Variants in TMCO5A observed in about 807,000 individuals in gnomAD.
TMCO5A encodes transmembrane and coiled-coil domains 5A, also known as transmembrane and coiled-coil domain-containing protein 5A.
TMCO5A carries 34 observed loss-of-function variants against 42.3 expected under a neutral mutation model. The observed-to-expected ratio is 0.80, with a 90% CI of 0.61 to 1.07. TMCO5A has a LOEUF of 1.07. Ranked by LOEUF, TMCO5A falls within the 50% of genes least tolerant of loss-of-function variation. The pLI is 0.00. For synonymous variants in TMCO5A, 131 were observed against 115.6 expected (o/e 1.13, Z -0.86); for missense variants, 357 against 327.9 (o/e 1.09, Z -0.69).
the TMCO5A span, among the ~76,000 whole-genome samples, chr15:37,984,125 C>T: frequency 6.6e-6 from 1 of 152,142 alleles, no homozygotes; most frequent in Non-Finnish European, 1.5e-5. Context: ...TATTCCTCTC[C>T]ATGCTTCTGT....
At chr15:37,936,819 C>T (rs558575773) in intron 3 of TMCO5A, 28 bp from the exon 4 acceptor site, 5 of 1,609,434 alleles carry the variant, frequency 3.1e-6, no homozygotes, top group Non-Finnish European at 4.2e-6. Context: ...AAGCATGGGT[C>T]CTCATGGCAT....
chr15:38,007,005 C>T, the TMCO5A span, among the ~76,000 whole-genome samples: 1 of 151,964 alleles, frequency 6.6e-6, no homozygotes, highest in Non-Finnish European at 1.5e-5. Context: ...CCCACTAAAA[C>T]TTTATTCAGC....
At position 37,940,173 on chromosome 15, in the gene TMCO5A, A is replaced by G. The variant is rs145245702; in HGVS notation, c.388-976A>G. ...AGAAAAGGCTATTCTCTAAAAACACAAATCAGATTGTGTCTTTAGACTTCA... is the reference window on the plus strand; with the variant it reads ...AGAAAAGGCTATTCTCTAAAAACACGAATCAGATTGTGTCTTTAGACTTCA... On this transcript the variant is annotated intron_variant, in intron 6 of 11. Coordinates refer to ENST00000319669, the MANE Select transcript of TMCO5A (RefSeq NM_152453.4). Among the ~76,000 whole-genome samples, 259 of 152,246 alleles carry G rather than the reference A, an allele frequency of 1.7e-3. 5 individuals are homozygous for G. Among genetic ancestry groups the G allele is most frequent in the African/African-American group, 5.8e-3 (243 of 41,572 alleles).
chr15:37,947,543 G>C (rs940935315), intron 10 of TMCO5A, 113 bp from the exon 11 acceptor site: 1 of 721,098 alleles, frequency 1.4e-6, no homozygotes, highest in Non-Finnish European at 2.4e-6. Flanking sequence ...CATATAAAAA[G>C]AATTTGTTAA....
chr15:38,004,345 C>T, the TMCO5A span, among the ~76,000 whole-genome samples: 1 of 152,034 alleles, frequency 6.6e-6, no homozygotes, highest in African/African-American at 2.4e-5. Context: ...AAGTTTCTCC[C>T]TGTGCTGCCT....
chr15:37,994,299 C>A, the TMCO5A span, among the ~76,000 whole-genome samples: 3 of 151,972 alleles, frequency 2.0e-5, no homozygotes, highest in Non-Finnish European at 2.9e-5. Flanking sequence ...ATAAAAAGGA[C>A]AATGCAAGAT....
the TMCO5A span, among the ~76,000 whole-genome samples, chr15:38,029,739 C>A: frequency 7.9e-5 from 12 of 152,180 alleles, no homozygotes; most frequent in African/African-American, 2.9e-4. Flanking sequence ...TGTGCGCCAC[C>A]ATGCCCAGCC....
downstream of TMCO5A, among the ~76,000 whole-genome samples, chr15:37,954,216 A>G (rs554688524): frequency 1.2e-4 from 19 of 152,228 alleles, no homozygotes; most frequent in South Asian, 3.5e-3. Context: ...TAGAACACCT[A>G]CAGATTTAAC....
At chr15:38,037,305 T>C in the TMCO5A span, among the ~76,000 whole-genome samples, 1 of 152,220 alleles carries the variant, frequency 6.6e-6, no homozygotes, top group Non-Finnish European at 1.5e-5. Flanking sequence ...AATGTATGCA[T>C]TACACTTACT....
chr15:37,944,745 T>C (rs938448387), intron 10 of TMCO5A, among the ~76,000 whole-genome samples: 32 of 152,058 alleles, frequency 2.1e-4, no homozygotes, highest in Admixed American at 6.6e-4. Context: ...GGCTCTAAAA[T>C]GTGATCATAA....
intron 11 of TMCO5A, among the ~76,000 whole-genome samples, chr15:37,962,099 G>A (rs1348411700): frequency 6.6e-6 from 1 of 151,970 alleles, no homozygotes; most frequent in African/African-American, 2.4e-5. Flanking sequence ...GTGAGAGTGG[G>A]CATCCTTCTC....
intron 11 of TMCO5A, among the ~76,000 whole-genome samples, chr15:37,956,989 C>A (rs12440194): frequency 0.062 from 9,437 of 152,180 alleles, 392 homozygotes; most frequent in Admixed American, 0.14. Flanking sequence ...ATGACAAAAA[C>A]CATATGATTA....
At chr15:37,984,681 C>CTTTTT in the TMCO5A span, 21 of 41,872 alleles carry the variant, frequency 5.0e-4, 1 homozygote, top group African/African-American at 1.3e-3. Flanking sequence ...GAACATTTGT[C>CTTTTT]TTTTTTTTTT....
At chr15:37,966,245 G>A (rs988271242) in intron 11 of TMCO5A, among the ~76,000 whole-genome samples, 1 of 151,150 alleles carries the variant, frequency 6.6e-6, no homozygotes, top group African/African-American at 2.4e-5. Flanking sequence ...GGTTACCAGA[G>A]GTTGTGAAGG....
chr15:38,013,971 C>G, the TMCO5A span, among the ~76,000 whole-genome samples: 1 of 152,166 alleles, frequency 6.6e-6, no homozygotes, highest in Non-Finnish European at 1.5e-5. Context: ...CTCCTTCTTT[C>G]ATCTCCAAAG....
chr15:37,951,319 G>T lies in TMCO5A; in HGVS notation c.*85G>T. The T allele has an allele frequency of 2.2e-6, 3 of 1,375,870 alleles. No homozygotes were observed. The highest frequency in any genetic ancestry group is 2.5e-5 in the South Asian group (2 of 78,528). 85.2% of individuals were successfully genotyped at this position (1,375,870 alleles called of 1,614,324 possible). A position where few individuals can be genotyped will look rare whatever the true frequency, so the allele number is the denominator to read the frequency against. On this transcript the variant is annotated 3_prime_UTR_variant, in exon 12 of 12. Transcript: ENST00000319669. ...AGGCATGAAACTTGTGGAGGAAAGA[G>T]ATTTGCTTCAGTTTTTTCCTCACCG... is the stretch of plus-strand genomic sequence containing the variant.
chr15:37,977,061 C>T, the TMCO5A span, among the ~76,000 whole-genome samples: 2 of 152,140 alleles, frequency 1.3e-5, no homozygotes, highest in Non-Finnish European at 2.9e-5. Context: ...CATGAGCCAC[C>T]GCATCCAGCC....
the TMCO5A span, among the ~76,000 whole-genome samples, chr15:37,994,971 T>C: frequency 5.3e-5 from 8 of 152,294 alleles, no homozygotes; most frequent in Admixed American, 4.6e-4. Flanking sequence ...TTGTTTTAAG[T>C]GCCAGTAAAA....
rs188277220 is a variant in TMCO5A at position 37,949,330 on chromosome 15, T to C, written c.668+1634T>C. Among the ~76,000 whole-genome samples the C allele has an allele frequency of 8.1e-4, 124 of 152,272 alleles. 2 individuals carry two copies. The highest frequency in any genetic ancestry group is 3.1e-4 in the Non-Finnish European group (21 of 68,012). On this transcript the variant is annotated intron_variant, in intron 11 of 11. Coordinates refer to ENST00000319669, the MANE Select transcript of TMCO5A (RefSeq NM_152453.4). ...ATCAAACTCTCCAAATGGTTTTTCA[T>C]GGAATTGAATAAAATAATTCTAAAA...
Sources: gnomAD v4.1 joint callset for allele counts (sites outside exome capture counted in the v4.1 genomes callset) on GRCh38, gnomAD v4.1.1 for gene constraint, MANE v1.5 for transcripts, NCBI Gene and HGNC (gene_info 2026-07-23, HGNC 2026-07-21) for gene names.